Variants in DCP2 observed in about 807,000 individuals in gnomAD.
DCP2 encodes the protein m7GpppN-mRNA hydrolase.
In DCP2, 30 loss-of-function variants were observed where a neutral mutation model predicts 56.1. The ratio of observed to expected loss-of-function variants is 0.53; its 90% CI spans 0.40 to 0.73. DCP2 has a LOEUF of 0.73. Among genes scored for constraint, DCP2 ranks in the 30% least tolerant of loss-of-function variants. The pLI, the probability that DCP2 is intolerant of heterozygous loss-of-function variation, is 0.00. For synonymous variants in DCP2, 197 were observed against 163.3 expected (o/e 1.21, Z -1.57); for missense variants, 533 against 502.7 (o/e 1.06, Z -0.58).
intron 1 of DCP2, chr5:112,984,717 T>A (rs1274476314): frequency 1.5e-5 from 2 of 132,638 alleles, no homozygotes; most frequent in African/African-American, 5.9e-5. Flanking sequence ...TATATATATA[T>A]ATATATATTT....
At chr5:112,982,043 C>T (rs777266250) in intron 1 of DCP2, among the ~76,000 whole-genome samples, 1 of 152,194 alleles carries the variant, frequency 6.6e-6, no homozygotes, top group Non-Finnish European at 1.5e-5. Flanking sequence ...GCTGGGATTA[C>T]AGGCGGGAGC....
intron 1 of DCP2, among the ~76,000 whole-genome samples, chr5:112,979,197 A>G (rs1203349340): frequency 6.6e-6 from 1 of 152,120 alleles, no homozygotes; most frequent in Non-Finnish European, 1.5e-5. Context: ...TTCTTTTTGC[A>G]GTTACTGTTT....
intron 4 of DCP2, among the ~76,000 whole-genome samples, chr5:113,000,260 G>A (rs1439502820): frequency 6.5e-5 from 9 of 139,506 alleles, no homozygotes; most frequent in African/African-American, 2.4e-4. Context: ...GCCCAGTCCT[G>A]TTTTTTTGAA....
At chr5:112,997,905 G>T (rs1748941343) in intron 4 of DCP2, among the ~76,000 whole-genome samples, 1 of 152,086 alleles carries the variant, frequency 6.6e-6, no homozygotes, top group African/African-American at 2.4e-5. Flanking sequence ...GAGCCACCGA[G>T]CCTGGCCCTT....
chr5:112,989,892 A>G (rs1253088461), intron 2 of DCP2, among the ~76,000 whole-genome samples: 3 of 151,506 alleles, frequency 2.0e-5, no homozygotes, highest in African/African-American at 4.9e-5. Flanking sequence ...AATAGAAGAG[A>G]TCAAATTTGA....
chr5:113,001,649 G>T lies in DCP2; in HGVS notation c.781G>T (p.Ala261Ser). The T allele has an allele frequency of 1.2e-6, 2 of 1,614,080 alleles. No individual in the cohort carries two copies. The highest frequency in any genetic ancestry group is 8.5e-7 in the Non-Finnish European group (1 of 1,179,980). Residue 261 changes from alanine (A) to serine (S), a missense_variant, in exon 7 of 11, where the codon GCT (alanine) becomes TCT (serine). Physicochemically the swap from Ala to Ser is moderately conservative, Grantham distance 99 (BLOSUM62 1). This residue lies in a region of DCP2 where 392 missense variants were observed against 346.6 expected (regional missense o/e 1.13). Transcript: ENST00000389063. ...ATTTTCCTCAACTGGTAGCACGCCG[G>T]CTAAACCCACTGTGGAAAAATTGAG... ...NGFSSTGSTP[A>S]KPTVEKLSRT...
chr5:112,985,766 C>CT, intron 1 of DCP2, 69 bp from the exon 2 acceptor site: 8 of 1,550,766 alleles, frequency 5.2e-6, no homozygotes, highest in Non-Finnish European at 6.2e-6. Context: ...GTATGAAGCA[C>CT]TTAAATAGCT....
intron 4 of DCP2, among the ~76,000 whole-genome samples, chr5:113,000,470 G>T (rs934573924): frequency 6.6e-6 from 1 of 151,708 alleles, no homozygotes; most frequent in Admixed American, 6.6e-5. Flanking sequence ...GATCTTAATG[G>T]TGTCTTTGAA....
At chr5:113,010,460 C>T (rs765217863) in intron 9 of DCP2, among the ~76,000 whole-genome samples, 1 of 152,064 alleles carries the variant, frequency 6.6e-6, no homozygotes, top group Non-Finnish European at 1.5e-5. Context: ...TTTGCTTCAG[C>T]CTCTCAAAGT....
rs201847440 is a variant in DCP2 at position 113,009,748 on chromosome 5, CATTAT to C, written c.1048-1004_1048-1000del. ...ATTTATTGAAAAAGGAATTTCTTCA[CATTAT>C]ATTCTATTTTTAAAGACTATCAGAC... is the stretch of plus-strand genomic sequence containing the variant. On this transcript the variant is annotated intron_variant, in intron 9 of 10. Transcript: ENST00000389063. Among the ~76,000 whole-genome samples the C allele has an allele frequency of 2.8e-3, 421 of 152,220 alleles. 8 individuals carry two copies. The highest frequency in any genetic ancestry group is 0.021 in the Admixed American group (325 of 15,288).
chr5:112,984,703 A>AAAATATAT, intron 1 of DCP2: 2 of 64,856 alleles, frequency 3.1e-5, no homozygotes, highest in South Asian at 5.2e-4. Flanking sequence ...AAAAAAAAAA[A>AAAATATAT]ATATATATAT....
At position 113,013,702 on chromosome 5, in the gene DCP2, T is replaced by C. The variant is rs1296671181; in HGVS notation, c.*218T>C. The C allele has an allele frequency of 1.1e-5, 5 of 468,784 alleles. No individual in the cohort carries two copies. Among genetic ancestry groups the C allele is most frequent in the African/African-American group, 7.9e-5 (4 of 50,890 alleles). 29.0% of individuals were successfully genotyped at this position (468,784 alleles called of 1,614,324 possible). A position where few individuals can be genotyped will look rare whatever the true frequency, so the allele number is the denominator to read the frequency against. ...ACAGATTTACCTTTTCAGTGTTCAG[T>C]ACAAGTTTAAGTTGCTTTCTTTGAG... On this transcript the variant is annotated 3_prime_UTR_variant, in exon 11 of 11. Transcript: ENST00000389063.
intron 2 of DCP2, among the ~76,000 whole-genome samples, chr5:112,989,372 G>A (rs751132011): frequency 9.3e-5 from 14 of 151,340 alleles, no homozygotes; most frequent in Admixed American, 2.0e-4. Flanking sequence ...CATGTAAGTC[G>A]TTTACTTGGC....
rs1157118864 is a variant in DCP2, at chr5:112,988,336, C to CA, written c.205+2356dup. Among the ~76,000 whole-genome samples, 20 of 138,994 alleles carry CA rather than the reference C, an allele frequency of 1.4e-4. No individual in the cohort carries two copies. In the East Asian group the frequency reaches 1.7e-3, roughly 12 times the overall value. The allele number at this position is 138,994 out of a possible 152,430, so 91.2% of individuals were successfully genotyped here. On this transcript the variant is annotated intron_variant, in intron 2 of 10. Coordinates refer to ENST00000389063, the MANE Select transcript of DCP2 (RefSeq NM_152624.6). Reference sequence around the variant, plus strand: ...TCTCTACTAAAAAAAAAAAAAAATACAAAAAATTAGCTGGGCGTGGTGGCG... The same window carrying CA: ...TCTCTACTAAAAAAAAAAAAAAATACAAAAAAATTAGCTGGGCGTGGTGGCG...
chr5:112,984,686 T>TTAAAA lies in DCP2; in HGVS notation c.54-1149_54-1148insTAAAA, dbSNP rs377352438. On this transcript the variant is annotated intron_variant, in intron 1 of 10. Coordinates refer to ENST00000389063, the MANE Select transcript of DCP2 (RefSeq NM_152624.6). Reference sequence around the variant, plus strand: ...TGCAGTGTTGTTTTTATTTCTTAATTAAAAAAAAAAAAAAAAAATATATAT... The same window carrying TTAAAA: ...TGCAGTGTTGTTTTTATTTCTTAATTTAAAAAAAAAAAAAAAAAAAAAATATATAT... 5 of 89,484 alleles carry TTAAAA rather than the reference T, an allele frequency of 5.6e-5. 1 individual carries two copies. The highest frequency in any genetic ancestry group is 2.1e-4 in the African/African-American group (4 of 19,064). 5.5% of individuals were successfully genotyped at this position (89,484 alleles called of 1,614,324 possible).
At chr5:113,008,186 C>T in intron 9 of DCP2, 144 bp downstream of exon 9, 2 of 580,862 alleles carry the variant, frequency 3.4e-6, no homozygotes, top group Non-Finnish European at 6.0e-6. Context: ...CTGACTTGTG[C>T]ACTATTCACA....
Position 112,996,148 on chromosome 5 carries a change from A to G in DCP2, c.432+3378A>G, listed in dbSNP as rs529438584. On this transcript the variant is annotated intron_variant, in intron 4 of 10. Coordinates refer to ENST00000389063, the MANE Select transcript of DCP2 (RefSeq NM_152624.6). ...GAGGGGACATAATTTAGTCCATAGC[A>G]GTGGCCTTTTTTGAATGATGAAAGT... Among the ~76,000 whole-genome samples the G allele has an allele frequency of 2.6e-5, 4 of 152,200 alleles. 1 individual carries two copies. The highest frequency in any genetic ancestry group is 4.1e-4 in the South Asian group (2 of 4,836).
intron 4 of DCP2, among the ~76,000 whole-genome samples, chr5:112,999,129 C>CA (rs949617457): frequency 4.7e-4 from 72 of 152,272 alleles, no homozygotes; most frequent in African/African-American, 1.7e-3. Flanking sequence ...GTTGGTAACA[C>CA]AAAGATAACA....
chr5:112,998,251 C>G (rs769482171), intron 4 of DCP2, among the ~76,000 whole-genome samples: 1 of 152,172 alleles, frequency 6.6e-6, no homozygotes, highest in African/African-American at 2.4e-5. Context: ...TACTTCCTCC[C>G]TTGTAATTCT....
Sources: allele counts gnomAD v4.1 joint callset (sites outside exome capture counted in the v4.1 genomes callset), GRCh38; gene constraint gnomAD v4.1.1; regional missense constraint gnomAD v4.1.1; transcripts MANE v1.5; gene names NCBI Gene and HGNC (gene_info 2026-07-23, HGNC 2026-07-21).